The following CIITA variants were observed in gnomAD, a reference collection of about 807,000 sequenced individuals.
The protein encoded by CIITA is class II major histocompatibility complex transactivator, also known as MHC class II transactivator.
A neutral mutation model predicts 115.1 loss-of-function variants in CIITA; 72 were observed. That is an observed-to-expected ratio of 0.63 (90% confidence interval 0.52 to 0.76). The LOEUF is 0.76. Among genes scored for constraint, CIITA ranks in the 30% least tolerant of loss-of-function variants. CIITA has a pLI of 0.00. For synonymous variants in CIITA, 763 were observed against 635.6 expected, an observed-to-expected ratio of 1.20 and a Z score of -3.02; for missense variants, 1,617 against 1,463.8, an observed-to-expected ratio of 1.10 and a Z score of -1.71.
intron 3 of CIITA, among the ~76,000 whole-genome samples, 195 bp downstream of exon 3, chr16:10,895,959 T>C (rs1567391966): frequency 6.6e-6 from 1 of 151,646 alleles, no homozygotes; most frequent in East Asian, 1.9e-4. Flanking sequence ...GTGGGGGAAA[T>C]AGGCCCCTTC....
chr16:10,895,787 A>G, intron 3 of CIITA, 23 bp downstream of exon 3: 1 of 1,611,676 alleles, frequency 6.2e-7, no homozygotes, highest in South Asian at 1.1e-5. Context: ...CTGAGCCCAG[A>G]AAAGGACAAT....
At chr16:10,902,323 C>A in intron 7 of CIITA, 139 bp downstream of exon 7, 1 of 1,292,478 alleles carries the variant, frequency 7.7e-7, no homozygotes, top group Non-Finnish European at 1.1e-6. Flanking sequence ...CTGCCCCAGC[C>A]AGTTTTATCC....
chr16:10,867,019 G>C (rs1408635965), intron 1 of CIITA, among the ~76,000 whole-genome samples: 1 of 152,222 alleles, frequency 6.6e-6, no homozygotes, highest in East Asian at 1.9e-4. Context: ...GCCAAGGCAG[G>C]TGGATCACCT....
intron 13 of CIITA, among the ~76,000 whole-genome samples, chr16:10,912,913 T>G (rs943411908): frequency 6.6e-6 from 1 of 152,262 alleles, no homozygotes; most frequent in Non-Finnish European, 1.5e-5. Context: ...AGGCTTCTAC[T>G]GTGCCCAGGC....
intron 16 of CIITA, among the ~76,000 whole-genome samples, chr16:10,919,130 C>A (rs1007950948): frequency 6.6e-6 from 1 of 152,160 alleles, no homozygotes; most frequent in Non-Finnish European, 1.5e-5. Context: ...TTACTGAGGA[C>A]AACCAGAGTC....
In CIITA at chr16:10,935,225, A is replaced by T. The variant is rs998768810; in HGVS notation, c.*11370A>T. The stretch of plus-strand genomic sequence containing the variant: ...TGTAAGTAACAATTTTAGAGGGTAT[A>T]CGGAGGTGACCCTAAGTAACAAGGA... On this transcript the variant is annotated 3_prime_UTR_variant, in exon 20 of 20. Coordinates refer to ENST00000324288, the MANE Select transcript of CIITA (RefSeq NM_000246.4). The T allele has an allele frequency of 3.9e-5, 6 of 152,264 alleles. No individual in the cohort carries two copies. Among genetic ancestry groups the T allele is most frequent in the African/African-American group, 1.4e-4 (6 of 41,478 alleles). The allele number at this position is 152,264 out of a possible 1,614,324, so 9.4% of individuals were successfully genotyped here.
intron 10 of CIITA, among the ~76,000 whole-genome samples, 196 bp from the exon 11 acceptor site, chr16:10,906,303 C>T (rs773283110): frequency 2.0e-5 from 3 of 152,084 alleles, no homozygotes; most frequent in Non-Finnish European, 2.9e-5. Flanking sequence ...GAGGTTGCAG[C>T]GAGCTGTGAT....
Position 10,931,166 on chromosome 16 carries a change from T to A in CIITA, c.*7311T>A, listed in dbSNP as rs28488117. 3.6e-4 allele frequency: 54 copies of A among 151,722 alleles called. No individual in the cohort carries two copies. The highest frequency in any genetic ancestry group is 1.2e-3 in the African/African-American group (50 of 41,318). 9.4% of individuals were successfully genotyped at this position (151,722 alleles called of 1,614,324 possible). On this transcript the variant is annotated 3_prime_UTR_variant, in exon 20 of 20. Transcript: ENST00000324288. Reference sequence around the variant, plus strand: ...ACAGTGAGACTGTCTCTATAAAAAATTTAAAAATTAGCCAGGCATAGTGTA... The same window carrying A: ...ACAGTGAGACTGTCTCTATAAAAAAATTAAAAATTAGCCAGGCATAGTGTA...
intron 9 of CIITA, among the ~76,000 whole-genome samples, chr16:10,904,374 G>A (rs536051256): frequency 5.2e-4 from 79 of 151,996 alleles, no homozygotes; most frequent in African/African-American, 1.7e-3. Context: ...GGTGTGCACC[G>A]TCACACCCAG....
intron 13 of CIITA, among the ~76,000 whole-genome samples, chr16:10,911,048 T>C (rs7192768): frequency 0.72 from 109,851 of 151,994 alleles, 40,203 homozygotes; most frequent in South Asian, 0.79. Flanking sequence ...CTAGGCAGTG[T>C]TGCTGGGGTG....
At chr16:10,887,189 C>A (rs1402872294) in intron 1 of CIITA, among the ~76,000 whole-genome samples, 1 of 152,128 alleles carries the variant, frequency 6.6e-6, no homozygotes, top group Non-Finnish European at 1.5e-5. Context: ...GGCTTCCCAA[C>A]ACCATTTGGC....
Position 10,916,420 on chromosome 16 carries a change from C to T in CIITA, c.3023C>T (p.Ser1008Leu). Residue 1008 changes from serine (S) to leucine (L), a missense_variant, in exon 15 of 20, where the codon TCA becomes TTA. Ser to Leu is a moderately radical substitution (Grantham distance 145). Transcript: ENST00000324288. ...GGGGACGAGGGTGTCTCGCAGCTCT[C>T]AGCCACCTTCCCCCAGCTGAAGTCC... is the stretch of plus-strand genomic sequence containing the variant. ...KIGDEGVSQL[S>L]ATFPQLKSLE... The T allele has an allele frequency of 6.2e-7, 1 of 1,613,498 alleles. No homozygotes were observed.
At chr16:10,910,602 G>A (rs1398795693) in intron 13 of CIITA, among the ~76,000 whole-genome samples, 3 of 152,234 alleles carry the variant, frequency 2.0e-5, no homozygotes, top group Non-Finnish European at 4.4e-5. Flanking sequence ...TCCTGGAGGA[G>A]GTGATATCTG....
chr16:10,880,498 G>A (rs9924520), intron 1 of CIITA, among the ~76,000 whole-genome samples: 91,987 of 151,986 alleles, frequency 0.61, 30,018 homozygotes, highest in Middle Eastern at 0.74. Context: ...TTTGCTTAAC[G>A]CCACATAGCA....
At chr16:10,911,309 T>C (rs2039554510) in intron 13 of CIITA, among the ~76,000 whole-genome samples, 1 of 128,956 alleles carries the variant, frequency 7.8e-6, no homozygotes, top group African/African-American at 2.8e-5. Flanking sequence ...CCTCCCTCCC[T>C]CCTTCCTTCC....
chr16:10,886,962 T>C (rs1457001820), intron 1 of CIITA, among the ~76,000 whole-genome samples: 2 of 152,208 alleles, frequency 1.3e-5, no homozygotes, highest in Non-Finnish European at 1.5e-5. Context: ...GTAAACCTCT[T>C]TGGGGCCAGT....
chr16:10,910,048 T>TA, intron 12 of CIITA, 140 bp from the exon 13 acceptor site: 1 of 705,336 alleles, frequency 1.4e-6, no homozygotes, highest in South Asian at 1.6e-5. Flanking sequence ...TCTTTTTTTT[T>TA]AAGAGGGGGA....
At chr16:10,895,138 C>T in intron 1 of CIITA, 144 bp from the exon 2 acceptor site, 1 of 892,494 alleles carries the variant, frequency 1.1e-6, no homozygotes, top group African/African-American at 1.6e-5. Flanking sequence ...CTCCACCACG[C>T]TGAGCATATA....
Position 10,895,270 on chromosome 16 carries a change from C to T in CIITA, c.53-12C>T, listed in dbSNP as rs112310350. The T allele has an allele frequency of 4.3e-4, 692 of 1,613,674 alleles. 3 individuals are homozygous for T. In the African/African-American group the frequency reaches 7.9e-3, roughly 18 times the overall value. ...ACCCTGTGAGGTGACTGAGCATTGT[C>T]TTCCCTCCCAGGCAGCTCACAGTGT... On this transcript the variant is annotated splice_polypyrimidine_tract_variant and intron_variant, in intron 1 of 19. Transcript: ENST00000324288.
Sources: allele counts gnomAD v4.1 joint callset (sites outside exome capture counted in the v4.1 genomes callset), GRCh38; gene constraint gnomAD v4.1.1; transcripts MANE v1.5; gene names NCBI Gene and HGNC (gene_info 2026-07-23, HGNC 2026-07-21).